DNAJC1: variants seen among roughly 807,000 people sequenced by gnomAD.
The protein encoded by DNAJC1 is DnaJ heat shock protein family (Hsp40) member C1, also known as dnaJ homolog subfamily C member 1.
In DNAJC1, 58 loss-of-function variants were observed where a neutral mutation model predicts 76.6. That is an observed-to-expected ratio of 0.76 (90% CI 0.61 to 0.94). The LOEUF (loss-of-function observed/expected upper bound fraction) is 0.94, where lower values mean the gene tolerates loss of function less well. Among genes scored for constraint, DNAJC1 ranks in the 40% least tolerant of loss-of-function variants. The pLI is 0.00. For synonymous variants in DNAJC1, 258 were observed against 267.9 expected (o/e 0.96, Z 0.36); for missense variants, 689 against 677.3 (o/e 1.02, Z -0.19).
intron 8 of DNAJC1, among the ~76,000 whole-genome samples, chr10:21,821,088 A>C (rs1305746549): frequency 3.3e-5 from 5 of 152,176 alleles, no homozygotes; most frequent in African/African-American, 1.2e-4. Context: ...CTGTCTGTTC[A>C]GAATCTTCTT....
chr10:21,937,761 G>A (rs774034373), intron 1 of DNAJC1, among the ~76,000 whole-genome samples: 3 of 152,086 alleles, frequency 2.0e-5, no homozygotes, highest in Non-Finnish European at 2.9e-5. Context: ...ATCATACTAC[G>A]TTATCTTCTC....
intron 8 of DNAJC1, among the ~76,000 whole-genome samples, chr10:21,846,300 T>C (rs2131683752): frequency 6.6e-6 from 1 of 152,316 alleles, no homozygotes; most frequent in East Asian, 1.9e-4. Context: ...TGAAGGTAGA[T>C]ACCTGCTACT....
chr10:21,905,064 T>C (rs1334004640), intron 6 of DNAJC1, among the ~76,000 whole-genome samples: 4 of 152,084 alleles, frequency 2.6e-5, no homozygotes, highest in Non-Finnish European at 4.4e-5. Flanking sequence ...ATAAAACTTA[T>C]ACGAGCATGT....
chr10:21,794,022 C>G (rs1341687964), intron 9 of DNAJC1, among the ~76,000 whole-genome samples: 1 of 152,030 alleles, frequency 6.6e-6, no homozygotes, highest in Non-Finnish European at 1.5e-5. Flanking sequence ...CGCCTGTAAT[C>G]CCAACACTTT....
chr10:21,769,547 T>C (rs1011206099), intron 9 of DNAJC1, among the ~76,000 whole-genome samples: 1 of 152,238 alleles, frequency 6.6e-6, no homozygotes, highest in Non-Finnish European at 1.5e-5. Flanking sequence ...AAATCTTTCA[T>C]TTTATAGAAG....
chr10:21,940,860 C>T (rs1264266303), intron 1 of DNAJC1, among the ~76,000 whole-genome samples: 1 of 151,878 alleles, frequency 6.6e-6, no homozygotes, highest in Non-Finnish European at 1.5e-5. Flanking sequence ...CTAAATCTTG[C>T]CACTGATTTA....
chr10:21,799,973 C>A (rs1194406955), intron 9 of DNAJC1, among the ~76,000 whole-genome samples: 2 of 152,112 alleles, frequency 1.3e-5, no homozygotes, highest in African/African-American at 4.8e-5. Flanking sequence ...GACATCTTAT[C>A]CATAGAAAGT....
At chr10:21,880,647 A>G (rs1049183270) in intron 8 of DNAJC1, among the ~76,000 whole-genome samples, 8 of 152,208 alleles carry the variant, frequency 5.3e-5, no homozygotes, top group Admixed American at 2.6e-4. Flanking sequence ...AAGTCTCCAC[A>G]TAGGGCTTCA....
chr10:21,908,201 AT>A (rs1374788409), intron 6 of DNAJC1, among the ~76,000 whole-genome samples: 6 of 94,582 alleles, frequency 6.3e-5, no homozygotes, highest in African/African-American at 2.7e-4. Flanking sequence ...TATATTATAT[AT>A]ATAAAATATA....
chr10:21,787,545 A>G (rs1295321560), intron 9 of DNAJC1, among the ~76,000 whole-genome samples: 1 of 152,320 alleles, frequency 6.6e-6, no homozygotes, highest in East Asian at 1.9e-4. Context: ...CTACATTTTA[A>G]CAGAAATAAC....
chr10:21,804,094 G>A, intron 9 of DNAJC1: 1 of 380,394 alleles, frequency 2.6e-6, no homozygotes, highest in Non-Finnish European at 3.6e-6. Flanking sequence ...TAGGATCTAT[G>A]AGGCTTTGTT....
At chr10:21,807,494 A>G (rs1280444031) in intron 8 of DNAJC1, among the ~76,000 whole-genome samples, 1 of 152,180 alleles carries the variant, frequency 6.6e-6, no homozygotes, top group Non-Finnish European at 1.5e-5. Flanking sequence ...ACTCATAATC[A>G]AAGTGCATTG....
At chr10:21,964,542 C>G (rs1837856240) in intron 1 of DNAJC1, among the ~76,000 whole-genome samples, 1 of 152,146 alleles carries the variant, frequency 6.6e-6, no homozygotes, top group Admixed American at 6.5e-5. Context: ...TATTTACCAT[C>G]TTTACAAATT....
chr10:21,990,148 A>G (rs1268454698), intron 1 of DNAJC1, among the ~76,000 whole-genome samples: 1 of 152,182 alleles, frequency 6.6e-6, no homozygotes, highest in East Asian at 1.9e-4. Flanking sequence ...TGTGGCCTCT[A>G]TTATCAAAGA....
intron 9 of DNAJC1, among the ~76,000 whole-genome samples, chr10:21,785,949 T>C (rs1446705724): frequency 6.6e-6 from 1 of 152,184 alleles, no homozygotes; most frequent in Non-Finnish European, 1.5e-5. Context: ...ATTTCCCCTA[T>C]AAGATCACTA....
At chr10:21,766,193 A>G (rs1240789527) in intron 10 of DNAJC1, 68 bp downstream of exon 10, 1 of 1,152,212 alleles carries the variant, frequency 8.7e-7, no homozygotes, top group Non-Finnish European at 1.3e-6. Context: ...TAAAGAAGTT[A>G]TTATAAAAAG....
intron 1 of DNAJC1, among the ~76,000 whole-genome samples, chr10:21,981,969 C>T (rs1361819250): frequency 3.9e-5 from 6 of 152,168 alleles, no homozygotes; most frequent in African/African-American, 7.2e-5. Flanking sequence ...AACCCCCAGG[C>T]GATACCTGAT....
intron 1 of DNAJC1, among the ~76,000 whole-genome samples, chr10:21,943,967 A>G (rs1276615838): frequency 6.6e-6 from 1 of 152,164 alleles, no homozygotes; most frequent in African/African-American, 2.4e-5. Context: ...AAAGCAACAG[A>G]AGCATGGCCT....
intron 1 of DNAJC1, among the ~76,000 whole-genome samples, chr10:21,952,735 G>C (rs920120108): frequency 1.3e-5 from 2 of 152,034 alleles, no homozygotes; most frequent in Non-Finnish European, 2.9e-5. Context: ...CTTCAGCCTG[G>C]GTGACAGAGC....
Sources: allele counts gnomAD v4.1 joint callset (sites outside exome capture counted in the v4.1 genomes callset), GRCh38; gene constraint gnomAD v4.1.1; transcripts MANE v1.5; gene names NCBI Gene and HGNC (gene_info 2026-07-23, HGNC 2026-07-21).